Variants in JARID2 observed in about 807,000 individuals in gnomAD.
JARID2 encodes protein Jumonji.
In JARID2, 21 loss-of-function variants were observed where a neutral mutation model predicts 125.6. The ratio of observed to expected loss-of-function variants is 0.17; its 90% CI spans 0.12 to 0.24. The LOEUF is 0.24. Among genes scored for constraint, JARID2 ranks in the 10% least tolerant of loss-of-function variants. The probability of loss-of-function intolerance (pLI) is 1.00; values close to 1 mark genes in which losing one functional copy is unlikely to be tolerated. For missense variants in JARID2, 1,303 were observed against 1,639.6 expected (o/e 0.79, Z 3.55); for synonymous variants, 736 against 661.6 (o/e 1.11, Z -1.73).
In JARID2 at chr6:15,496,539, G is replaced by A. The variant is rs778255421; in HGVS notation, c.1314G>A (p.Arg438=). The A allele has an allele frequency of 6.2e-7, 1 of 1,608,642 alleles. No individual in the cohort carries two copies. Among genetic ancestry groups the A allele is most frequent in the South Asian group, 1.1e-5 (1 of 90,692 alleles). ...REGLQLREGL[R]NSKRRLEEAH... Reference sequence around the variant, plus strand: ...GCCTGCAGCTGCGGGAGGGGCTGCGGAACTCCAAGAGGAGACTGGAAGAGG... The same window carrying A: ...GCCTGCAGCTGCGGGAGGGGCTGCGAAACTCCAAGAGGAGACTGGAAGAGG... The change falls in exon 7 of 18, where the codon CGG becomes CGA. Residue 438 remains arginine, a synonymous_variant. Transcript: ENST00000341776.
intron 1 of JARID2, among the ~76,000 whole-genome samples, chr6:15,271,691 A>G (rs996310870): frequency 1.3e-5 from 2 of 152,098 alleles, no homozygotes; most frequent in Non-Finnish European, 2.9e-5. Context: ...CTCCTACAGT[A>G]TAAAGATGTT....
At chr6:15,291,432 A>G (rs1356234258) in intron 1 of JARID2, among the ~76,000 whole-genome samples, 3 of 152,194 alleles carry the variant, frequency 2.0e-5, no homozygotes, top group East Asian at 1.9e-4. Context: ...TAGGGGCACA[A>G]TCTGTTTTCC....
intron 2 of JARID2, among the ~76,000 whole-genome samples, chr6:15,397,212 A>T (rs184680648): frequency 1.5e-4 from 23 of 152,350 alleles, no homozygotes; most frequent in African/African-American, 4.1e-4. Context: ...GTCAAATATT[A>T]GCACAGTAGA....
chr6:15,248,774 AC>A (rs899971974), intron 1 of JARID2: 3 of 273,758 alleles, frequency 1.1e-5, no homozygotes, highest in African/African-American at 6.9e-5. Context: ...CTCGGGTGGA[AC>A]CTTCCCCTCC....
chr6:15,386,317 T>G (rs1581487808), intron 2 of JARID2, among the ~76,000 whole-genome samples: 1 of 149,582 alleles, frequency 6.7e-6, no homozygotes, highest in Non-Finnish European at 1.5e-5. Context: ...TGTGGGTGTG[T>G]GTGTATGTGT....
intron 2 of JARID2, among the ~76,000 whole-genome samples, chr6:15,389,529 G>C (rs1163461690): frequency 6.6e-6 from 1 of 152,168 alleles, no homozygotes; most frequent in African/African-American, 2.4e-5. Context: ...TTCCCTAGGG[G>C]CTCCCCCAGC....
intron 3 of JARID2, among the ~76,000 whole-genome samples, chr6:15,428,162 G>A (rs1561856594): frequency 6.6e-6 from 1 of 152,058 alleles, no homozygotes; most frequent in East Asian, 1.9e-4. Flanking sequence ...GGTTTTTATG[G>A]TAAGTGGGTT....
chr6:15,344,893 G>A (rs961924526), intron 1 of JARID2, among the ~76,000 whole-genome samples: 5 of 152,064 alleles, frequency 3.3e-5, no homozygotes, highest in African/African-American at 9.7e-5. Flanking sequence ...ATTACCTGCC[G>A]TTTTGGATTA....
intron 5 of JARID2, among the ~76,000 whole-genome samples, chr6:15,469,304 G>C (rs7768468): frequency 1.8e-3 from 99 of 55,752 alleles, no homozygotes; most frequent in East Asian, 4.7e-3. Context: ...CTCTGTCTCT[G>C]TCTCTCTCTC....
At chr6:15,402,632 T>C (rs1413154200) in intron 2 of JARID2, among the ~76,000 whole-genome samples, 3 of 152,196 alleles carry the variant, frequency 2.0e-5, no homozygotes, top group Non-Finnish European at 2.9e-5. Flanking sequence ...GTGATGCCAT[T>C]GTTCTGCCGC....
At chr6:15,388,561 C>G (rs1285669572) in intron 2 of JARID2, among the ~76,000 whole-genome samples, 1 of 147,016 alleles carries the variant, frequency 6.8e-6, no homozygotes, top group Non-Finnish European at 1.5e-5. Flanking sequence ...AGGAGAGAAA[C>G]ATGAGCTATT....
intron 12 of JARID2, 100 bp downstream of exon 12, chr6:15,508,554 T>A (rs897082097): frequency 1.7e-5 from 12 of 719,980 alleles, no homozygotes; most frequent in Non-Finnish European, 2.8e-5. Flanking sequence ...TGGTTCCACG[T>A]GCTTGAGAAC....
intron 1 of JARID2, among the ~76,000 whole-genome samples, chr6:15,307,844 T>G (rs1761887151): frequency 1.3e-5 from 2 of 152,222 alleles, no homozygotes; most frequent in Admixed American, 6.5e-5. Flanking sequence ...TTCATCTAAT[T>G]TGCAGAGTTC....
At chr6:15,515,575 C>CAGG (rs1771505786) in intron 16 of JARID2, among the ~76,000 whole-genome samples, 1 of 151,990 alleles carries the variant, frequency 6.6e-6, no homozygotes, top group African/African-American at 2.4e-5. Context: ...CACTCGAGGC[C>CAGG]AGGAGTGCGA....
At chr6:15,378,090 T>A (rs550077425) in intron 2 of JARID2, among the ~76,000 whole-genome samples, 20 of 151,976 alleles carry the variant, frequency 1.3e-4, no homozygotes, top group African/African-American at 4.8e-4. Context: ...GGTTTCACCA[T>A]GTTGACCAGG....
intron 1 of JARID2, among the ~76,000 whole-genome samples, chr6:15,269,279 G>T (rs903101001): frequency 6.6e-6 from 1 of 152,132 alleles, no homozygotes; most frequent in Non-Finnish European, 1.5e-5. Flanking sequence ...TTCTTGTTGG[G>T]GGGGGCGGAA....
chr6:15,336,098 TGAA>T (rs1762867903), intron 1 of JARID2, among the ~76,000 whole-genome samples: 1 of 148,568 alleles, frequency 6.7e-6, no homozygotes. Flanking sequence ...AATGAATGAA[TGAA>T]TGAATGAATG....
chr6:15,303,952 A>C (rs1262717261), intron 1 of JARID2, among the ~76,000 whole-genome samples: 1 of 152,168 alleles, frequency 6.6e-6, no homozygotes, highest in African/African-American at 2.4e-5. Context: ...TTGAGACCTC[A>C]ACAACAGTGA....
intron 2 of JARID2, among the ~76,000 whole-genome samples, chr6:15,390,668 G>A (rs1198811500): frequency 6.6e-6 from 1 of 152,166 alleles, no homozygotes; most frequent in Non-Finnish European, 1.5e-5. Flanking sequence ...GCCTTCTCAT[G>A]TGTGCTCTGT....
Sources: gnomAD v4.1 joint callset for allele counts (sites outside exome capture counted in the v4.1 genomes callset) on GRCh38, gnomAD v4.1.1 for gene constraint, MANE v1.5 for transcripts, NCBI Gene and HGNC (gene_info 2026-07-23, HGNC 2026-07-21) for gene names.